Variants in NECTIN1 observed in about 807,000 individuals in gnomAD.
NECTIN1 encodes nectin cell adhesion molecule 1, also known as nectin-1.
NECTIN1 carries 23 observed loss-of-function variants against 48.0 expected under a neutral mutation model. The observed-to-expected ratio is 0.48, with a 90% confidence interval of 0.34 to 0.68. NECTIN1 has a LOEUF of 0.68. Ranked by LOEUF, NECTIN1 falls within the 30% of genes least tolerant of loss-of-function variation. NECTIN1 has a pLI of 0.01. For missense variants in NECTIN1, 591 were observed against 709.9 expected (o/e 0.83, Z 1.90); for synonymous variants, 270 against 288.9 (o/e 0.93, Z 0.66).
chr11:119,675,560 A>T, intron 4 of NECTIN1: 1 of 436,730 alleles, frequency 2.3e-6, no homozygotes, highest in Non-Finnish European at 4.2e-6. Flanking sequence ...CCCTTAACAG[A>T]TGAAACCTGA....
chr11:119,712,071 G>A (rs781715418), intron 1 of NECTIN1, among the ~76,000 whole-genome samples: 7 of 152,210 alleles, frequency 4.6e-5, no homozygotes, highest in Non-Finnish European at 8.8e-5. Context: ...AAGAGCTCAG[G>A]GAGGGCTGTG....
At chr11:119,703,986 G>A (rs575250452) in intron 1 of NECTIN1, among the ~76,000 whole-genome samples, 30 of 152,098 alleles carry the variant, frequency 2.0e-4, no homozygotes, top group African/African-American at 6.8e-4. Context: ...CGGAGTACGT[G>A]TTAGTGTGCC....
chr11:119,715,341 C>A (rs774217722), intron 1 of NECTIN1, among the ~76,000 whole-genome samples: 2 of 152,072 alleles, frequency 1.3e-5, no homozygotes, highest in Admixed American at 1.3e-4. Flanking sequence ...AACAAGTGGG[C>A]TCAGGTTAGT....
intron 5 of NECTIN1, among the ~76,000 whole-genome samples, chr11:119,649,392 GAAAA>G (rs1198029153): frequency 3.4e-5 from 5 of 148,852 alleles, no homozygotes; most frequent in Admixed American, 2.0e-4. Context: ...AAAAAAAAAA[GAAAA>G]AGAAAAAAAG....
rs530920984 is a variant in NECTIN1, at chr11:119,684,501, C to A, written c.80-5736G>T. ...CTAGGGCTTTCCAGGGATGCTCCCA[C>A]CCCCACCCCAGGAACTGGCAGAAGG... On this transcript the variant is annotated intron_variant, in intron 1 of 5. Transcript: ENST00000264025. This position sits in a 1 kb window ranked among gnomAD's most constrained non-coding sequence, Gnocchi z 5.2. 2.0e-4 allele frequency among the ~76,000 whole-genome samples: 30 copies of A among 152,240 alleles called. No individual in the cohort carries two copies. The highest frequency in any genetic ancestry group is 7.2e-4 in the African/African-American group (30 of 41,536).
intron 1 of NECTIN1, among the ~76,000 whole-genome samples, chr11:119,710,404 C>T (rs2134332166): frequency 7.3e-6 from 1 of 136,178 alleles, no homozygotes; most frequent in South Asian, 2.5e-4. Flanking sequence ...AAGTGCCTGC[C>T]AGTAGGGCTA....
chr11:119,724,798 T>G (rs1300599225), intron 1 of NECTIN1, among the ~76,000 whole-genome samples: 2 of 152,214 alleles, frequency 1.3e-5, no homozygotes, highest in African/African-American at 4.8e-5. Context: ...TATACCTGTG[T>G]GCACACACAC....
At position 119,678,476 on chromosome 11, in the gene NECTIN1, G is replaced by C. The variant is rs1050866320; in HGVS notation, c.369C>G (p.Ile123Met). 6.2e-7 allele frequency: 1 copy of C among 1,614,248 alleles called. No individual in the cohort carries two copies. Among genetic ancestry groups the C allele is most frequent in the Non-Finnish European group, 8.5e-7 (1 of 1,180,050 alleles). The change falls in exon 2 of 6, where the codon ATC becomes ATG. Residue 123 changes from isoleucine to methionine, a missense_variant. By Grantham distance (10) the Ile-to-Met change is conservative. Coordinates refer to ENST00000264025, the MANE Select transcript of NECTIN1 (RefSeq NM_002855.5). This position sits in a 1 kb window ranked among gnomAD's most constrained non-coding sequence, Gnocchi z 4.4. ...CCGTAGGGAAGGTAGCAAACTCGCA[G>C]ATGTAGACACCCTCATCCTCCAGCT... Reference protein sequence around the residue: ...RLELEDEGVYICEFATFPTGN... With the variant: ...RLELEDEGVYMCEFATFPTGN...
chr11:119,726,728 C>G (rs555113293), intron 1 of NECTIN1, among the ~76,000 whole-genome samples: 1 of 152,160 alleles, frequency 6.6e-6, no homozygotes, highest in Non-Finnish European at 1.5e-5. Flanking sequence ...TTCTCCCAAC[C>G]CTTCCCACCA....
At chr11:119,674,400 G>C in intron 5 of NECTIN1, 1 of 1,513,328 alleles carries the variant, frequency 6.6e-7, no homozygotes, top group African/African-American at 1.4e-5. Context: ...AATAATCACG[G>C]AACATTGGCC....
At chr11:119,641,349 C>T (rs1864320875) in intron 5 of NECTIN1, 1 of 152,248 alleles carries the variant, frequency 6.6e-6, no homozygotes, top group African/African-American at 2.4e-5. Flanking sequence ...TCGTTCTAAA[C>T]TACAAATCAG....
At chr11:119,694,151 G>C (rs943083069) in intron 1 of NECTIN1, among the ~76,000 whole-genome samples, 2 of 152,162 alleles carry the variant, frequency 1.3e-5, no homozygotes, top group Admixed American at 6.5e-5. Flanking sequence ...ATTCACAGAG[G>C]GGGAAATGGA....
intron 1 of NECTIN1, 40 bp downstream of exon 1, chr11:119,728,435 A>G: frequency 6.5e-7 from 1 of 1,547,840 alleles, no homozygotes. Flanking sequence ...CCGGGGAGGC[A>G]TTGGATGGGG....
chr11:119,659,141 C>G (rs1014317371), downstream of NECTIN1: 1 of 152,262 alleles, frequency 6.6e-6, no homozygotes, highest in Non-Finnish European at 1.5e-5. Flanking sequence ...CACAGCTCTG[C>G]GACAGCCTGT....
At chr11:119,639,739 C>T in intron 6 of NECTIN1, 3 of 1,294,504 alleles carry the variant, frequency 2.3e-6, no homozygotes, top group African/African-American at 1.5e-5. Context: ...TCCTGGTCCC[C>T]CAGGGTGGGG....
intron 1 of NECTIN1, among the ~76,000 whole-genome samples, chr11:119,721,145 G>C (rs1213171278): frequency 1.3e-5 from 2 of 152,180 alleles, no homozygotes; most frequent in African/African-American, 2.4e-5. Flanking sequence ...TCTGTCCCCT[G>C]TCCCCAAGGG....
rs1345610590 is a variant in NECTIN1 at position 119,638,132 on chromosome 11, AC to A, written c.1342del (p.Val448Ter). ...CTCTCCTCGAGGTTCGGTTGTCCTT[AC>A]CGAGGGGTGGTAGGAGGGGGAGACC... is the stretch of plus-strand genomic sequence containing the variant. On this transcript the variant is annotated frameshift_variant, in exon 8 of 8. Coordinates refer to the NECTIN1 transcript ENST00000341398. LOFTEE classifies it low-confidence loss of function (END_TRUNC). The A allele has an allele frequency of 6.2e-7, 1 of 1,613,510 alleles. No homozygotes were observed. Among genetic ancestry groups the A allele is most frequent in the Non-Finnish European group, 8.5e-7 (1 of 1,179,890 alleles).
At chr11:119,686,040 G>C (rs1220534760) in intron 1 of NECTIN1, among the ~76,000 whole-genome samples, 1 of 152,116 alleles carries the variant, frequency 6.6e-6, no homozygotes, top group Non-Finnish European at 1.5e-5. Flanking sequence ...GCTCTTCCAG[G>C]AAGACCTCCC....
intron 1 of NECTIN1, among the ~76,000 whole-genome samples, chr11:119,682,307 C>T (rs1330466889): frequency 1.3e-5 from 2 of 152,046 alleles, no homozygotes; most frequent in South Asian, 2.1e-4. Context: ...AGGTGGGCCA[C>T]GAGAAGGGAC....
Sources: gnomAD v4.1 joint callset for allele counts (sites outside exome capture counted in the v4.1 genomes callset) on GRCh38, gnomAD v4.1.1 for gene constraint, Gnocchi (gnomAD v3.1) non-coding constraint, MANE v1.5 for transcripts, NCBI Gene and HGNC (gene_info 2026-07-23, HGNC 2026-07-21) for gene names.